AARS2: variants seen among roughly 807,000 people sequenced by gnomAD.
The protein encoded by AARS2 is alanyl-tRNA synthetase 2, mitochondrial.
In AARS2, 78 loss-of-function variants were observed where a neutral mutation model predicts 119.7. The observed-to-expected ratio is 0.65, with a 90% CI of 0.54 to 0.79. AARS2 has a LOEUF of 0.79. Ranked by LOEUF, AARS2 falls within the 30% of genes least tolerant of loss-of-function variation. The pLI, the probability that AARS2 is intolerant of heterozygous loss-of-function variation, is 0.00. For synonymous variants in AARS2, 502 were observed against 526.3 expected (o/e 0.95, Z 0.63); for missense variants, 1,157 against 1,291.3 (o/e 0.90, Z 1.59).
chr6:44,301,734 G>A (rs536769799), intron 19 of AARS2, among the ~76,000 whole-genome samples: 2 of 152,210 alleles, frequency 1.3e-5, no homozygotes, highest in Non-Finnish European at 2.9e-5. Context: ...AAAGGAGGAA[G>A]GTCAGAGCAC....
At position 44,303,243 on chromosome 6, in the gene AARS2, A is replaced by G. The variant is rs1320464557; in HGVS notation, c.2145+43T>C. On this transcript the variant is annotated intron_variant, in intron 15 of 21. Coordinates refer to ENST00000244571, the MANE Select transcript of AARS2 (RefSeq NM_020745.4). ...AGGATAAAGCCTCCAGGTATGCCTG[A>G]AGGAGGCCCCCGATCTCCAGCAAAA... 1.9e-6 allele frequency: 3 copies of G among 1,613,922 alleles called. No individual in the cohort carries two copies. The African/African-American group carries it at 4.0e-5, about 22-fold the overall frequency.
In AARS2 at chr6:44,310,448, C is replaced by T. The variant is rs78410483; in HGVS notation, c.750-5G>A. On this transcript the variant is annotated splice_region_variant and splice_polypyrimidine_tract_variant and intron_variant, in intron 4 of 21. Coordinates refer to ENST00000244571, the MANE Select transcript of AARS2 (RefSeq NM_020745.4). Reference sequence around the variant, plus strand: ...TGCAGGCTTCCATCTGCCTCTCTGGCCAGGGAAGGTGTGCAAGGTGAGGCC... The same window carrying T: ...TGCAGGCTTCCATCTGCCTCTCTGGTCAGGGAAGGTGTGCAAGGTGAGGCC... The T allele has an allele frequency of 1.3e-3, 2,091 of 1,613,192 alleles. 18 individuals carry two copies. In the African/African-American group the frequency reaches 0.024, roughly 19 times the overall value.
At position 44,311,005 on chromosome 6, in the gene AARS2, C is replaced by A. The variant is rs1166495687; in HGVS notation, c.738G>T (p.Met246Ile). Residue 246 changes from methionine to isoleucine, a missense_variant, in exon 4 of 22, where the codon ATG becomes ATT. By Grantham distance (10) the Met-to-Ile change is conservative. Transcript: ENST00000244571. Reference sequence around the variant, plus strand: ...CAGCACCCTATTACCTGTTGTGTTGCATGAAGACCAGGTTCCAAAGCTCTA... The same window carrying A: ...CAGCACCCTATTACCTGTTGTGTTGAATGAAGACCAGGTTCCAAAGCTCTA... Reference protein sequence around the residue: ...QLVELWNLVFMQHNREADGSL... With the variant: ...QLVELWNLVFIQHNREADGSL... The A allele has an allele frequency of 2.5e-6, 4 of 1,613,850 alleles. No individual in the cohort carries two copies. The highest frequency in any genetic ancestry group is 3.4e-6 in the Non-Finnish European group (4 of 1,180,052).
chr6:44,312,980 C>G, intron 1 of AARS2, 101 bp downstream of exon 1: 2 of 1,547,108 alleles, frequency 1.3e-6, no homozygotes, highest in Non-Finnish European at 8.7e-7. Context: ...TCCCCAAAAG[C>G]TACGAACTCC....
chr6:44,312,937 C>G, intron 1 of AARS2, 144 bp downstream of exon 1: 1 of 1,290,590 alleles, frequency 7.7e-7, no homozygotes, highest in Non-Finnish European at 1.1e-6. Flanking sequence ...CGCCGTACCC[C>G]CATCACTTTA....
chr6:44,306,326 GATCC>G lies in AARS2; in HGVS notation c.1250_1253del (p.Arg417ProfsTer6). 2 of 1,614,162 alleles carry G rather than the reference GATCC, an allele frequency of 1.2e-6. No homozygotes were observed. The highest frequency in any genetic ancestry group is 1.7e-6 in the Non-Finnish European group (2 of 1,180,024). On this transcript the variant is annotated frameshift_variant, in exon 9 of 22. Transcript: ENST00000244571. LOFTEE classifies it high-confidence loss of function. The stretch of plus-strand genomic sequence containing the variant: ...CCAGGGTCCTCAGAGTCCGATCAAT[GATCC>G]GCCTACCCCGCTCCAGGGAGGCCAG...
In AARS2 at chr6:44,306,479, A is replaced by G. The variant is rs775750787; in HGVS notation, c.1188+15T>C. 31 of 1,613,996 alleles carry G rather than the reference A, an allele frequency of 1.9e-5. No individual in the cohort carries two copies. The highest frequency in any genetic ancestry group is 2.7e-5 in the African/African-American group (2 of 74,896). On this transcript the variant is annotated intron_variant, in intron 8 of 21. Coordinates refer to ENST00000244571, the MANE Select transcript of AARS2 (RefSeq NM_020745.4). ...TCTCCCATCAACCCCTTTCTCTCCC[A>G]CTGGAATCCAGTACCTGGGCTGAGT... is the stretch of plus-strand genomic sequence containing the variant.
At chr6:44,312,893 T>TCAAGCCCTCCC (rs1473871587) in intron 1 of AARS2, among the ~76,000 whole-genome samples, 188 bp downstream of exon 1, 1 of 152,096 alleles carries the variant, frequency 6.6e-6, no homozygotes, top group African/African-American at 2.4e-5. Flanking sequence ...AGTTCCCAGC[T>TCAAGCCCTCCC]CAAGCCCTCC....
chr6:44,301,833 C>T lies in AARS2; in HGVS notation c.2598+227G>A, dbSNP rs2236500. Among the ~76,000 whole-genome samples, 6,025 of 152,164 alleles carry T rather than the reference C, an allele frequency of 0.04. 222 individuals are homozygous for T. Among genetic ancestry groups the T allele is most frequent in the East Asian group, 0.17 (888 of 5,166 alleles). ...GGCACTAATCAAGTCAGTAGGCTTCCGGGGGTTCTGAGCCAGACTTGGGAG... is the reference window on the plus strand; with the variant it reads ...GGCACTAATCAAGTCAGTAGGCTTCTGGGGGTTCTGAGCCAGACTTGGGAG... On this transcript the variant is annotated intron_variant, in intron 19 of 21. Transcript: ENST00000244571.
chr6:44,302,247 G>T (rs968530884), intron 18 of AARS2, 77 bp from the exon 19 acceptor site: 2 of 1,609,360 alleles, frequency 1.2e-6, no homozygotes, highest in South Asian at 1.1e-5. Flanking sequence ...CAGGGCCAGG[G>T]AAGACACCCA....
At chr6:44,300,789 G>A (rs1785289855) in intron 21 of AARS2, 78 bp from the exon 22 acceptor site, 1 of 1,541,342 alleles carries the variant, frequency 6.5e-7, no homozygotes, top group Admixed American at 1.8e-5. Context: ...CCTCAAGAGT[G>A]GAGCTGAAGG....
Position 44,307,188 on chromosome 6 carries a change from T to C in AARS2, c.1040+61A>G. 1 of 1,611,336 alleles carries C rather than the reference T, an allele frequency of 6.2e-7. No homozygotes were observed. On this transcript the variant is annotated intron_variant, in intron 6 of 21. Transcript: ENST00000244571. This position sits in a 1 kb window ranked among gnomAD's most constrained non-coding sequence, Gnocchi z 4.4. The stretch of plus-strand genomic sequence containing the variant: ...AACCAGACCCACCTCTCCTGTTCCC[T>C]CCCTCCTCCACCTGAGACCCCCAGC...
chr6:44,307,370 C>T lies in AARS2; in HGVS notation c.919G>A (p.Gly307Ser), dbSNP rs1348562023. 6 of 1,608,258 alleles carry T rather than the reference C, an allele frequency of 3.7e-6. No homozygotes were observed. The highest frequency in any genetic ancestry group is 5.1e-6 in the Non-Finnish European group (6 of 1,177,848). The change falls in exon 6 of 22, where the codon GGC becomes AGC. Residue 307 changes from glycine to serine, a missense_variant. Physicochemically the swap from Gly to Ser is moderately conservative, Grantham distance 56. Coordinates refer to ENST00000244571, the MANE Select transcript of AARS2 (RefSeq NM_020745.4). The surrounding 1 kb of genome is among the most constrained non-coding windows in gnomAD (Gnocchi z 4.4). ...QQGCRAPPYL[G>S]RVGVADEGRT... ...CCCTCGTCTGCCACCCCTACTCGGC[C>T]CAAGTAAGGGGGTGCCCTGCAGCCC...
chr6:44,304,445 TC>T lies in AARS2; in HGVS notation c.1840del (p.Asp614ThrfsTer13). The T allele has an allele frequency of 6.2e-7, 1 of 1,614,108 alleles. No homozygotes were observed. The highest frequency in any genetic ancestry group is 8.5e-7 in the Non-Finnish European group (1 of 1,180,006). ...CTCATCCACATGCAGCTGCACCTGG[TC>T]CCCTAACCGCAGGCACTCAGGGGCT... ...AVAPECLRLG[D>X]QVQLHVDEAW... is the part of the protein sequence containing the mutation. On this transcript the variant is annotated frameshift_variant, in exon 13 of 22. Coordinates refer to ENST00000244571, the MANE Select transcript of AARS2 (RefSeq NM_020745.4). LOFTEE classifies it high-confidence loss of function.
At position 44,301,227 on chromosome 6, in the gene AARS2, G is replaced by A. The variant is rs202149382; in HGVS notation, c.2722C>T (p.Pro908Ser). The part of the protein sequence containing the change: ...KVVRQLCEQA[P>S]STSVLLLSPQ... ...CTGAGTAGGAGCACAGACGTGCTGG[G>A]GGCCTGCTCACACAGCTGCCGTACC... The change falls in exon 21 of 22, where the codon CCC becomes TCC. Residue 908 changes from proline to serine, a missense_variant. By Grantham distance (74) the Pro-to-Ser change is moderately conservative (BLOSUM62 -1). Transcript: ENST00000244571. The A allele has an allele frequency of 2.0e-4, 317 of 1,613,654 alleles. 1 individual carries two copies. The highest frequency in any genetic ancestry group is 2.5e-4 in the Non-Finnish European group (296 of 1,180,010).
In AARS2 at chr6:44,301,222, G is replaced by A; in HGVS notation, c.2727C>T (p.Ser909=). The A allele has an allele frequency of 6.2e-7, 1 of 1,613,764 alleles. No homozygotes were observed. The highest frequency in any genetic ancestry group is 1.3e-5 in the African/African-American group (1 of 75,014). ...GGGGGCTGAGTAGGAGCACAGACGT[G>A]CTGGGGGCCTGCTCACACAGCTGCC... ...VVRQLCEQAP[S]TSVLLLSPQP... Residue 909 remains serine, a synonymous_variant, in exon 21 of 22, where the codon AGC becomes AGT. Coordinates refer to ENST00000244571, the MANE Select transcript of AARS2 (RefSeq NM_020745.4).
rs1224727291 is a variant in AARS2 at position 44,305,919 on chromosome 6, G to A, written c.1301-133C>T. On this transcript the variant is annotated intron_variant, in intron 9 of 21. Transcript: ENST00000244571. The surrounding 1 kb of genome is among the most constrained non-coding windows in gnomAD (Gnocchi z 4.6). ...CAAACACAAATACCCGCTCCATACTGGGTAGCCTCAGGAGAGGGGTCACAT... is the reference window on the plus strand; with the variant it reads ...CAAACACAAATACCCGCTCCATACTAGGTAGCCTCAGGAGAGGGGTCACAT... 9.7e-6 allele frequency: 11 copies of A among 1,136,902 alleles called. No homozygotes were observed. Among genetic ancestry groups the A allele is most frequent in the Non-Finnish European group, 1.2e-5 (9 of 773,194 alleles). The allele number at this position is 1,136,902 out of a possible 1,614,324, so 70.4% of individuals were successfully genotyped here. A position where few individuals can be genotyped will look rare whatever the true frequency, so the allele number is the denominator to read the frequency against.
chr6:44,304,311 A>G lies in AARS2; in HGVS notation c.1877T>C (p.Leu626Pro). 6.2e-7 allele frequency: 1 copy of G among 1,614,202 alleles called. No homozygotes were observed. The highest frequency in any genetic ancestry group is 8.5e-7 in the Non-Finnish European group (1 of 1,180,030). ...VQLHVDEAWRLGCMAKHTATH... is the reference protein window; with the variant it reads ...VQLHVDEAWRPGCMAKHTATH... ...GGCCGTATGCTTCGCCATGCAGCCT[A>G]GACGCCAGGCCTGAAATACTTTTGT... The change falls in exon 14 of 22, where the codon CTA (leucine) becomes CCA (proline). Residue 626 changes from leucine (L) to proline (P), a missense_variant. Leu to Pro is a moderately conservative substitution (Grantham distance 98). Transcript: ENST00000244571.
chr6:44,300,830 T>TGCCCACCTTCCCA (rs1785292606), intron 21 of AARS2, 119 bp from the exon 22 acceptor site: 1 of 1,298,488 alleles, frequency 7.7e-7, no homozygotes, highest in African/African-American at 1.5e-5. Context: ...GCTGGGCACA[T>TGCCCACCTTCCCA]GGTGGGGCAG....
Sources: allele counts gnomAD v4.1 joint callset (sites outside exome capture counted in the v4.1 genomes callset), GRCh38; gene constraint gnomAD v4.1.1; non-coding constraint Gnocchi (gnomAD v3.1); transcripts MANE v1.5; gene names NCBI Gene and HGNC (gene_info 2026-07-23, HGNC 2026-07-21).